NALCN: variants seen among roughly 807,000 people sequenced by gnomAD.
NALCN encodes the protein sodium leak channel, non-selective.
NALCN carries 111 observed loss-of-function variants against 225.3 expected under a neutral mutation model. That is an observed-to-expected ratio of 0.49 (90% confidence interval 0.42 to 0.58). NALCN has a LOEUF of 0.58. NALCN is among the 20% of genes least tolerant of loss of function. The pLI is 0.00. For missense variants in NALCN, 1,378 were observed against 2,202.4 expected (o/e 0.63, Z 7.49); for synonymous variants, 764 against 769.0 (o/e 0.99, Z 0.11).
intron 3 of NALCN, among the ~76,000 whole-genome samples, chr13:101,390,966 A>C (rs527708001): frequency 2.6e-5 from 4 of 152,122 alleles, no homozygotes; most frequent in Non-Finnish European, 5.9e-5. Context: ...TGTAAATGAC[A>C]AGTTAATGGG....
chr13:101,271,812 TCA>T (rs1254838720), intron 10 of NALCN, among the ~76,000 whole-genome samples: 4 of 151,816 alleles, frequency 2.6e-5, no homozygotes, highest in Non-Finnish European at 5.9e-5. Flanking sequence ...TGTGTGTGTG[TCA>T]GTGTGTCACC....
chr13:101,232,525 A>C (rs2041389394), intron 12 of NALCN, among the ~76,000 whole-genome samples: 4 of 149,910 alleles, frequency 2.7e-5, no homozygotes. Context: ...GGCTCACTGC[A>C]AGCTCCACCT....
chr13:101,067,425 C>G (rs16958230), intron 39 of NALCN, among the ~76,000 whole-genome samples: 16,636 of 151,940 alleles, frequency 0.11, 1,088 homozygotes, highest in South Asian at 0.18. Context: ...CAGACTGCAG[C>G]TACTTTGGCT....
chr13:101,235,710 T>C (rs1420564484), intron 12 of NALCN, among the ~76,000 whole-genome samples: 4 of 152,300 alleles, frequency 2.6e-5, no homozygotes, highest in Non-Finnish European at 5.9e-5. Context: ...AAGTGAGCGC[T>C]TGAACTATGA....
intron 12 of NALCN, among the ~76,000 whole-genome samples, chr13:101,230,505 C>T (rs2140135745): frequency 6.6e-6 from 1 of 152,318 alleles, no homozygotes; most frequent in East Asian, 1.9e-4. Context: ...GGACTGGGTT[C>T]AGACCTACGG....
intron 7 of NALCN, among the ~76,000 whole-genome samples, chr13:101,308,218 T>A (rs530236283): frequency 6.6e-6 from 1 of 152,350 alleles, no homozygotes; most frequent in East Asian, 1.9e-4. Context: ...CTTGCGACTC[T>A]AGACTCATTC....
intron 10 of NALCN, among the ~76,000 whole-genome samples, chr13:101,278,574 G>T (rs1022207715): frequency 3.4e-5 from 5 of 149,106 alleles, no homozygotes; most frequent in Non-Finnish European, 7.4e-5. Flanking sequence ...TTTCAATGAT[G>T]CTATTCCTAA....
chr13:101,146,857 A>G (rs2037373390), intron 15 of NALCN, among the ~76,000 whole-genome samples: 4 of 152,170 alleles, frequency 2.6e-5, no homozygotes, highest in African/African-American at 9.7e-5. Context: ...GACAATGATA[A>G]TAAAATAGAA....
chr13:101,165,087 T>G (rs2038373638), intron 15 of NALCN, among the ~76,000 whole-genome samples: 1 of 152,224 alleles, frequency 6.6e-6, no homozygotes, highest in African/African-American at 2.4e-5. Flanking sequence ...TATTTCCAGC[T>G]GCTTTTGCTT....
chr13:101,113,060 C>A (rs969524039), intron 18 of NALCN, among the ~76,000 whole-genome samples: 2 of 152,142 alleles, frequency 1.3e-5, no homozygotes, highest in African/African-American at 4.8e-5. Flanking sequence ...CATACAAATT[C>A]ACTGAATGTA....
In NALCN at chr13:101,103,377, T is replaced by G. The variant is rs2034930281; in HGVS notation, c.2890-38A>C. The G allele has an allele frequency of 1.9e-6, 3 of 1,574,490 alleles. No individual in the cohort carries two copies. In the African/African-American group the frequency reaches 4.1e-5, roughly 22 times the overall value. On this transcript the variant is annotated intron_variant, in intron 25 of 43. Transcript: ENST00000251127. The stretch of plus-strand genomic sequence containing the variant: ...AAATGATCTCTGGAATTTATACAAT[T>G]CATCCCCTACTATTTACATTTTCTG...
In NALCN at chr13:101,378,790, GAATAAGT is replaced by G. The variant is rs67553179; in HGVS notation, c.292-144_292-138del. 0.014 allele frequency: 8,250 copies of G among 579,728 alleles called. 531 individuals carry two copies. The highest frequency in any genetic ancestry group is 0.14 in the African/African-American group (7,299 of 51,584). The allele number at this position is 579,728 out of a possible 1,614,324, so 35.9% of individuals were successfully genotyped here. A position where few individuals can be genotyped will look rare whatever the true frequency, so the allele number is the denominator to read the frequency against. ...TCATAATAGAACAGACTTTCACAAG[GAATAAGT>G]TTAGCATTTTAAGTAGCATTACTTA... On this transcript the variant is annotated intron_variant, in intron 3 of 43. Transcript: ENST00000251127.
At chr13:101,267,211 T>C (rs2042627069) in intron 10 of NALCN, among the ~76,000 whole-genome samples, 1 of 152,204 alleles carries the variant, frequency 6.6e-6, no homozygotes, top group Non-Finnish European at 1.5e-5. Flanking sequence ...AAGAGTAAGG[T>C]TAGATGTGAA....
chr13:101,295,323 G>A (rs2043704583), intron 7 of NALCN, among the ~76,000 whole-genome samples: 1 of 152,036 alleles, frequency 6.6e-6, no homozygotes, highest in African/African-American at 2.4e-5. Context: ...TTTTCCTCTA[G>A]GTTTTTGAAT....
rs2030900732 is a variant in NALCN at position 101,054,068 on chromosome 13, A to G, written c.*1227T>C. ...TCCCTCTGTTAAAAAACATCTGAAC[A>G]GCAAATGTCCAATCTGTAATAAAAT... On this transcript the variant is annotated 3_prime_UTR_variant, in exon 44 of 44. Coordinates refer to ENST00000251127, the MANE Select transcript of NALCN (RefSeq NM_052867.4). 1 of 152,244 alleles carries G rather than the reference A, an allele frequency of 6.6e-6. No individual in the cohort carries two copies. Among genetic ancestry groups the G allele is most frequent in the East Asian group, 1.9e-4 (1 of 5,198 alleles). 9.4% of individuals were successfully genotyped at this position (152,244 alleles called of 1,614,324 possible).
chr13:101,406,331 G>C (rs1477856211), intron 1 of NALCN, among the ~76,000 whole-genome samples: 1 of 151,228 alleles, frequency 6.6e-6, no homozygotes, highest in Non-Finnish European at 1.5e-5. Context: ...GTCTCAAAAA[G>C]AAAAAAAGAA....
intron 7 of NALCN, among the ~76,000 whole-genome samples, chr13:101,310,019 T>A (rs185250780): frequency 2.6e-5 from 4 of 152,252 alleles, no homozygotes; most frequent in African/African-American, 2.4e-5. Flanking sequence ...ACAGCCAATC[T>A]CTTAGTAAAT....
intron 7 of NALCN, among the ~76,000 whole-genome samples, chr13:101,340,343 C>A (rs931834819): frequency 3.3e-5 from 5 of 152,142 alleles, no homozygotes; most frequent in African/African-American, 4.8e-5. Flanking sequence ...GGAAAACCTG[C>A]ATAGTTAATG....
At chr13:101,183,552 C>A (rs567985751) in intron 14 of NALCN, among the ~76,000 whole-genome samples, 1 of 152,174 alleles carries the variant, frequency 6.6e-6, no homozygotes, top group South Asian at 2.1e-4. Flanking sequence ...CTCTACCTCC[C>A]GGGTTCAAGT....
Sources: allele counts gnomAD v4.1 joint callset (sites outside exome capture counted in the v4.1 genomes callset), GRCh38; gene constraint gnomAD v4.1.1; transcripts MANE v1.5; gene names NCBI Gene and HGNC (gene_info 2026-07-23, HGNC 2026-07-21).